FEZ2: variants seen among roughly 807,000 people sequenced by gnomAD.
The protein encoded by FEZ2 is fasciculation and elongation protein zeta 2.
In FEZ2, 51 loss-of-function variants were observed where a neutral mutation model predicts 40.4. That is an observed-to-expected ratio of 1.26 (90% CI 1.01 to 1.59). FEZ2 has a LOEUF of 1.59. FEZ2 is among the 40% of genes most tolerant of loss of function. FEZ2 has a pLI of 0.00. For synonymous variants in FEZ2, 242 were observed against 172.0 expected (o/e 1.41, Z -3.18); for missense variants, 640 against 438.3 (o/e 1.46, Z -4.11).
intron 2 of FEZ2, among the ~76,000 whole-genome samples, chr2:36,586,359 G>A (rs1668898564): frequency 6.6e-6 from 1 of 152,268 alleles, no homozygotes; most frequent in South Asian, 2.1e-4. Context: ...TCCGGGGTGG[G>A]CACAGTGGCT....
intron 6 of FEZ2, chr2:36,557,164 C>A (rs1378432164): frequency 6.6e-6 from 1 of 152,154 alleles, no homozygotes; most frequent in Non-Finnish European, 1.5e-5. Context: ...AATAAAATCA[C>A]ATACCAAAAA....
intron 1 of FEZ2, among the ~76,000 whole-genome samples, chr2:36,596,105 T>C (rs1669214640): frequency 6.6e-6 from 1 of 152,180 alleles, no homozygotes; most frequent in African/African-American, 2.4e-5. Context: ...CTTCCAAAAA[T>C]GTCATCTTTT....
At chr2:36,595,373 T>A (rs1435133872) in intron 1 of FEZ2, among the ~76,000 whole-genome samples, 1 of 151,714 alleles carries the variant, frequency 6.6e-6, no homozygotes, top group African/African-American at 2.4e-5. Flanking sequence ...CAGTGACAGA[T>A]CATCAAGCAT....
At chr2:36,556,745 T>C (rs1572998510) in intron 6 of FEZ2, 2 of 152,258 alleles carry the variant, frequency 1.3e-5, no homozygotes, top group Admixed American at 6.5e-5. Context: ...TCATAGTGCC[T>C]GGCACATAGT....
intron 7 of FEZ2, among the ~76,000 whole-genome samples, chr2:36,554,902 T>C (rs574582976): frequency 1.3e-5 from 2 of 152,300 alleles, no homozygotes; most frequent in South Asian, 2.1e-4. Context: ...TAGAAGAGGA[T>C]TGCTCTCAAA....
intron 5 of FEZ2, among the ~76,000 whole-genome samples, chr2:36,578,068 T>C (rs920665423): frequency 1.3e-5 from 2 of 152,234 alleles, no homozygotes; most frequent in Non-Finnish European, 2.9e-5. Flanking sequence ...TGCCAAATAC[T>C]AGGCCACATG....
At chr2:36,565,666 CACAGA>C (rs1275596948) in intron 5 of FEZ2, among the ~76,000 whole-genome samples, 1 of 152,150 alleles carries the variant, frequency 6.6e-6, no homozygotes, top group African/African-American at 2.4e-5. Context: ...CCACCTTGAC[CACAGA>C]ACAGAGCCAG....
intron 2 of FEZ2, among the ~76,000 whole-genome samples, chr2:36,586,178 T>C (rs896477423): frequency 6.6e-6 from 1 of 152,188 alleles, no homozygotes; most frequent in Non-Finnish European, 1.5e-5. Context: ...CACAAAGGCA[T>C]GTCGATACCA....
chr2:36,583,188 A>G lies in FEZ2; in HGVS notation c.492+165T>C, dbSNP rs567231925. 5.6e-4 allele frequency among the ~76,000 whole-genome samples: 86 copies of G among 152,260 alleles called. 3 individuals are homozygous for G. In the South Asian group the frequency reaches 0.016, roughly 29 times the overall value. On this transcript the variant is annotated intron_variant, in intron 3 of 7. Coordinates refer to ENST00000405912, the MANE Select transcript of FEZ2 (RefSeq NM_005102.3). ...CATAATCCCTTCTGCTTCAGATCAC[A>G]AATACTTATTTTTCTCTGTGGAAGA...
At chr2:36,571,569 C>T (rs1213263605) in intron 5 of FEZ2, among the ~76,000 whole-genome samples, 3 of 152,008 alleles carry the variant, frequency 2.0e-5, no homozygotes, top group East Asian at 1.9e-4. Context: ...GCAGGAGAAC[C>T]GCTTGAACCC....
Position 36,552,841 on chromosome 2 carries a change from C to T in FEZ2, c.*322G>A. ...CATCAGTGCAGTTTAGATAAGAAAG[C>T]CATAAAAACAAATGGGCATACTGTC... On this transcript the variant is annotated 3_prime_UTR_variant, in exon 8 of 8. Transcript: ENST00000405912. 3.4e-6 allele frequency: 1 copy of T among 296,786 alleles called. No individual in the cohort carries two copies. The highest frequency in any genetic ancestry group is 2.2e-5 in the African/African-American group (1 of 45,638). The allele number at this position is 296,786 out of a possible 1,614,324, so 18.4% of individuals were successfully genotyped here.
chr2:36,553,469 G>T (rs1667874563), intron 7 of FEZ2, among the ~76,000 whole-genome samples: 1 of 152,130 alleles, frequency 6.6e-6, no homozygotes, highest in African/African-American at 2.4e-5. Flanking sequence ...TGAGGCTTGT[G>T]ACACAACAAA....
At chr2:36,584,916 CAACACTGCACGGT>C (rs1668859173) in intron 2 of FEZ2, among the ~76,000 whole-genome samples, 1 of 152,150 alleles carries the variant, frequency 6.6e-6, no homozygotes, top group Non-Finnish European at 1.5e-5. Context: ...AGGGCCCCAT[CAACACTGCACGGT>C]CCACCTACAA....
chr2:36,570,925 A>C (rs915347504), intron 5 of FEZ2, among the ~76,000 whole-genome samples: 4 of 152,232 alleles, frequency 2.6e-5, no homozygotes, highest in Non-Finnish European at 5.9e-5. Context: ...CTGGCACATT[A>C]CAGCTTTTAT....
chr2:36,568,023 A>AGT (rs1668296541), intron 5 of FEZ2, among the ~76,000 whole-genome samples: 1 of 152,222 alleles, frequency 6.6e-6, no homozygotes, highest in African/African-American at 2.4e-5. Context: ...TATACTTTTT[A>AGT]GTAAACGTCA....
In FEZ2 at chr2:36,553,136, G is replaced by A. The variant is rs1473887069; in HGVS notation, c.*27C>T. On this transcript the variant is annotated 3_prime_UTR_variant, in exon 8 of 8. Transcript: ENST00000405912. ...ATAATGCTGTCGGAAATCTAGCTTG[G>A]AGCCCACCGCAGATAAAGTTGCTGC... 1 of 1,560,344 alleles carries A rather than the reference G, an allele frequency of 6.4e-7. No homozygotes were observed. Among genetic ancestry groups the A allele is most frequent in the African/African-American group, 1.4e-5 (1 of 73,728 alleles).
chr2:36,554,292 C>T (rs1416128012), intron 7 of FEZ2: 1 of 471,112 alleles, frequency 2.1e-6, no homozygotes, highest in East Asian at 6.9e-5. Flanking sequence ...AATTAAAAAT[C>T]ATTTTTCCCC....
chr2:36,576,721 A>T (rs1276030525), intron 5 of FEZ2, among the ~76,000 whole-genome samples: 1 of 152,248 alleles, frequency 6.6e-6, no homozygotes. Flanking sequence ...TACTGTTACT[A>T]TGAATCTATT....
At chr2:36,578,504 T>C in intron 5 of FEZ2, 93 bp downstream of exon 5, 2 of 1,316,434 alleles carry the variant, frequency 1.5e-6, no homozygotes, top group East Asian at 2.3e-5. Flanking sequence ...CCTGCCCATG[T>C]ACAACCTGTC....
Sources: gnomAD v4.1 joint callset for allele counts (sites outside exome capture counted in the v4.1 genomes callset) on GRCh38, gnomAD v4.1.1 for gene constraint, MANE v1.5 for transcripts, NCBI Gene and HGNC (gene_info 2026-07-23, HGNC 2026-07-21) for gene names.